Variants in ZNF717 observed in about 807,000 individuals in gnomAD.
The protein encoded by ZNF717 is krueppel-like factor X17.
Under a neutral mutation model 13.8 loss-of-function variants are expected in ZNF717, and 9 were observed. The ratio of observed to expected loss-of-function variants is 0.65; its 90% CI spans 0.39 to 1.14. ZNF717 has a LOEUF of 1.14. Among genes scored for constraint, ZNF717 ranks in the 50% most tolerant of loss-of-function variants. The pLI is 0.01. For missense variants in ZNF717, 1,040 were observed against 1,080.7 expected, an observed-to-expected ratio of 0.96 and a Z score of 0.53; for synonymous variants, 327 against 364.1, an observed-to-expected ratio of 0.90 and a Z score of 1.16.
intron 2 of ZNF717, among the ~76,000 whole-genome samples, chr3:75,744,591 C>A (rs372095331): frequency 1.4e-5 from 2 of 146,140 alleles, no homozygotes; most frequent in Admixed American, 6.8e-5. Context: ...AACTGGTGAA[C>A]GGCTGGAGGA....
intron 2 of ZNF717, among the ~76,000 whole-genome samples, chr3:75,752,768 T>C (rs2324358): frequency 0.38 from 45,069 of 119,472 alleles, 7,835 homozygotes; most frequent in East Asian, 0.61. Flanking sequence ...AACATTCACA[T>C]TGGGGTCTGA....
intron 2 of ZNF717, chr3:75,741,951 G>C (rs1486655278): frequency 5.5e-5 from 31 of 568,072 alleles, no homozygotes; most frequent in Non-Finnish European, 8.4e-5. Flanking sequence ...TCACTCTTTG[G>C]TGTGTCCATG....
chr3:75,751,933 ATGTT>A (rs1941863336), intron 2 of ZNF717, among the ~76,000 whole-genome samples: 1 of 151,874 alleles, frequency 6.6e-6, no homozygotes, highest in African/African-American at 2.4e-5. Flanking sequence ...TGGGATGTGA[ATGTT>A]TGTCCCTCAC....
downstream of ZNF717, among the ~76,000 whole-genome samples, chr3:75,705,379 A>C (rs141596519): frequency 6.6e-6 from 1 of 152,298 alleles, no homozygotes; most frequent in African/African-American, 2.4e-5. Context: ...ATGGGCTTCT[A>C]TATGTTTGAT....
chr3:75,705,424 G>A (rs368654148), downstream of ZNF717, among the ~76,000 whole-genome samples: 4 of 152,308 alleles, frequency 2.6e-5, no homozygotes, highest in South Asian at 2.1e-4. Flanking sequence ...GCACATAATT[G>A]ATTACCCTTT....
chr3:75,755,943 T>C (rs1410448039), intron 2 of ZNF717, among the ~76,000 whole-genome samples: 3 of 152,272 alleles, frequency 2.0e-5, no homozygotes, highest in Non-Finnish European at 4.4e-5. Flanking sequence ...ACAGAGATTG[T>C]CAGAGTCTAT....
At chr3:75,759,539 T>C (rs901918526) in intron 2 of ZNF717, among the ~76,000 whole-genome samples, 49 of 152,300 alleles carry the variant, frequency 3.2e-4, no homozygotes, top group African/African-American at 1.2e-3. Flanking sequence ...CCCAAAGTGC[T>C]GCGATTACAG....
intron 2 of ZNF717, among the ~76,000 whole-genome samples, chr3:75,778,201 A>G (rs1398220973): frequency 6.6e-6 from 1 of 151,956 alleles, no homozygotes; most frequent in African/African-American, 2.4e-5. Context: ...AAACAATGGG[A>G]GTGACGTGCT....
chr3:75,732,242 C>G, downstream of ZNF717: 1 of 641,750 alleles, frequency 1.6e-6, no homozygotes, highest in Non-Finnish European at 2.8e-6. Flanking sequence ...TAACCAGATC[C>G]TAAATGACCT....
chr3:75,704,240 C>A (rs1377075064), intron 6 of ZNF717, among the ~76,000 whole-genome samples: 1 of 152,278 alleles, frequency 6.6e-6, no homozygotes, highest in East Asian at 1.9e-4. Flanking sequence ...AATAAACTTG[C>A]TTCTTTCACT....
chr3:75,779,487 CA>C (rs1317941415), intron 2 of ZNF717, among the ~76,000 whole-genome samples: 3 of 149,614 alleles, frequency 2.0e-5, no homozygotes, highest in African/African-American at 7.4e-5. Context: ...ACTAGAAACC[CA>C]AAACAATGGG....
At chr3:75,764,396 C>T (rs988494349) in intron 2 of ZNF717, among the ~76,000 whole-genome samples, 3 of 152,182 alleles carry the variant, frequency 2.0e-5, no homozygotes, top group African/African-American at 7.2e-5. Context: ...CAATTAGAAC[C>T]TGGACCCCAA....
chr3:75,769,132 G>C (rs555680871), intron 2 of ZNF717, among the ~76,000 whole-genome samples: 1 of 152,158 alleles, frequency 6.6e-6, no homozygotes, highest in Non-Finnish European at 1.5e-5. Context: ...CTTGAATCGT[G>C]GCTGGTCTCA....
At chr3:75,766,830 A>T (rs1943505540) in intron 2 of ZNF717, among the ~76,000 whole-genome samples, 1 of 152,402 alleles carries the variant, frequency 6.6e-6, no homozygotes, top group East Asian at 1.9e-4. Context: ...CAACAAATAG[A>T]TATCCAGAAA....
chr3:75,779,799 C>T (rs1248378050), intron 2 of ZNF717, among the ~76,000 whole-genome samples: 4 of 151,324 alleles, frequency 2.6e-5, no homozygotes. Flanking sequence ...AAACCGGAAC[C>T]CAAAACCATG....
chr3:75,750,846 T>C (rs1334192669), intron 2 of ZNF717, among the ~76,000 whole-genome samples: 10 of 149,860 alleles, frequency 6.7e-5, no homozygotes, highest in African/African-American at 1.5e-4. Flanking sequence ...GTCCCTCACA[T>C]AGGATTCCAG....
In ZNF717 at chr3:75,723,248, C is replaced by CT. The variant is rs112455865; in HGVS notation, n.545-6708dup. Reference sequence around the variant, plus strand: ...GTTATTTTTCTTTAAGACAATCTCACTTTTTTTTTTTTTTTTTTTCAGACA... The same window carrying CT: ...GTTATTTTTCTTTAAGACAATCTCACTTTTTTTTTTTTTTTTTTTTCAGACA... On this transcript the variant is annotated intron_variant and non_coding_transcript_variant, in intron 4 of 5. Transcript: ENST00000491507. 5.8e-4 allele frequency among the ~76,000 whole-genome samples: 51 copies of CT among 88,668 alleles called. 3 individuals are homozygous for CT. The highest frequency in any genetic ancestry group is 2.2e-3 in the African/African-American group (49 of 22,678). The allele number at this position is 88,668 out of a possible 152,430, so 58.2% of individuals were successfully genotyped here. A position where few individuals can be genotyped will look rare whatever the true frequency, so the allele number is the denominator to read the frequency against.
At chr3:75,766,739 C>A (rs77307189) in intron 2 of ZNF717, among the ~76,000 whole-genome samples, 1 of 39,856 alleles carries the variant, frequency 2.5e-5, no homozygotes, top group Non-Finnish European at 9.0e-5. Flanking sequence ...GACTGTATGT[C>A]CATCTATTGA....
chr3:75,772,620 C>T (rs375551063), intron 2 of ZNF717, among the ~76,000 whole-genome samples: 3 of 152,260 alleles, frequency 2.0e-5, no homozygotes, highest in African/African-American at 7.2e-5. Context: ...GCTGCCCACC[C>T]CACCACAGCT....
Sources: allele counts gnomAD v4.1 joint callset (sites outside exome capture counted in the v4.1 genomes callset), GRCh38; gene constraint gnomAD v4.1.1; transcripts MANE v1.5; gene names NCBI Gene and HGNC (gene_info 2026-07-23, HGNC 2026-07-21).